Variants in MGAT4C observed in about 807,000 individuals in gnomAD.
MGAT4C encodes alpha-1,3-mannosyl-glycoprotein 4-beta-N-acetylglucosaminyltransferase C.
In MGAT4C, 19 loss-of-function variants were observed where a neutral mutation model predicts 40.1. The ratio of observed to expected loss-of-function variants is 0.47; its 90% CI spans 0.33 to 0.70. The LOEUF (loss-of-function observed/expected upper bound fraction) is 0.70, where lower values mean the gene tolerates loss of function less well. Among genes scored for constraint, MGAT4C ranks in the 30% least tolerant of loss-of-function variants. The pLI is 0.02. For missense variants in MGAT4C, 491 were observed against 563.2 expected (o/e 0.87, Z 1.30); for synonymous variants, 181 against 187.1 (o/e 0.97, Z 0.27).
intron 3 of MGAT4C, among the ~76,000 whole-genome samples, chr12:86,343,856 T>A (rs1023092276): frequency 2.0e-5 from 3 of 152,188 alleles, no homozygotes; most frequent in African/African-American, 4.8e-5. Context: ...GCTTTTTTTT[T>A]CTTTTCATTT....
chr12:86,098,423 C>T (rs1396577381), intron 1 of MGAT4C, among the ~76,000 whole-genome samples: 1 of 151,542 alleles, frequency 6.6e-6, no homozygotes, highest in African/African-American at 2.4e-5. Flanking sequence ...AAGTTGGAAC[C>T]ATTGAGGCAT....
chr12:86,385,924 TA>T lies in MGAT4C; in HGVS notation c.-120+49232del, dbSNP rs1489982909. Among the ~76,000 whole-genome samples the T allele has an allele frequency of 3.3e-5, 5 of 152,284 alleles. 1 individual carries two copies. The highest frequency in any genetic ancestry group is 9.6e-5 in the African/African-American group (4 of 41,560). On this transcript the variant is annotated intron_variant, in intron 3 of 7. Transcript: ENST00000548651. ...TTCTTATTCATCAGTAATTATTTTT[TA>T]TTTTTTATTTATTTATTTTTTTTGA...
chr12:86,752,465 G>T (rs903198594), intron 1 of MGAT4C, among the ~76,000 whole-genome samples: 3 of 151,820 alleles, frequency 2.0e-5, no homozygotes, highest in Non-Finnish European at 2.9e-5. Flanking sequence ...TAACTGCCTT[G>T]GCTATTTTAG....
intron 1 of MGAT4C, among the ~76,000 whole-genome samples, chr12:86,130,245 T>A (rs1204660516): frequency 6.7e-6 from 1 of 149,792 alleles, no homozygotes; most frequent in Admixed American, 6.8e-5. Flanking sequence ...CAATGTTGGT[T>A]AGTACTGACT....
At chr12:86,693,962 G>A (rs1950212988) in intron 2 of MGAT4C, among the ~76,000 whole-genome samples, 1 of 152,068 alleles carries the variant, frequency 6.6e-6, no homozygotes, top group Non-Finnish European at 1.5e-5. Flanking sequence ...TTACCCGTCA[G>A]CTTCTTTTAT....
chr12:86,210,648 C>T (rs770699391), intron 1 of MGAT4C, among the ~76,000 whole-genome samples: 10 of 152,292 alleles, frequency 6.6e-5, no homozygotes, highest in Admixed American at 5.2e-4. Context: ...TCATCACTTA[C>T]ATTTACCTTT....
chr12:86,585,927 T>A (rs1467655202), intron 2 of MGAT4C, among the ~76,000 whole-genome samples: 2 of 151,090 alleles, frequency 1.3e-5, no homozygotes, highest in Non-Finnish European at 3.0e-5. Flanking sequence ...CACTACAAGG[T>A]AGGCACTTTT....
chr12:85,985,738 T>G (rs760787558), intron 3 of MGAT4C, among the ~76,000 whole-genome samples: 17 of 152,076 alleles, frequency 1.1e-4, no homozygotes, highest in Non-Finnish European at 2.5e-4. Context: ...TTTTCATTGG[T>G]GTTTACCTGC....
At chr12:86,770,931 T>C (rs1445260778) in intron 1 of MGAT4C, among the ~76,000 whole-genome samples, 1 of 152,136 alleles carries the variant, frequency 6.6e-6, no homozygotes, top group African/African-American at 2.4e-5. Context: ...CAAACTCATA[T>C]GTTGAGTTCA....
intron 4 of MGAT4C, among the ~76,000 whole-genome samples, chr12:86,278,740 A>G (rs1482651241): frequency 6.6e-6 from 1 of 151,978 alleles, no homozygotes; most frequent in Non-Finnish European, 1.5e-5. Flanking sequence ...ACTATGTTGA[A>G]TAACTGTGGT....
chr12:86,685,640 A>G (rs1014074726), intron 2 of MGAT4C, among the ~76,000 whole-genome samples: 1 of 152,150 alleles, frequency 6.6e-6, no homozygotes, highest in Non-Finnish European at 1.5e-5. Context: ...CATTTTCACA[A>G]TATTGATTCT....
At chr12:86,670,491 C>T (rs1003222227) in intron 2 of MGAT4C, among the ~76,000 whole-genome samples, 4 of 151,896 alleles carry the variant, frequency 2.6e-5, no homozygotes, top group Non-Finnish European at 5.9e-5. Context: ...AATTTCAGAG[C>T]TTGAGGACCT....
At chr12:86,762,309 C>T (rs1168792610) in intron 1 of MGAT4C, among the ~76,000 whole-genome samples, 8 of 152,060 alleles carry the variant, frequency 5.3e-5, no homozygotes, top group African/African-American at 1.9e-4. Flanking sequence ...CCTCAGCCTC[C>T]CAAAACTCTG....
chr12:86,260,794 G>T (rs944406574), upstream of MGAT4C, among the ~76,000 whole-genome samples: 1 of 151,836 alleles, frequency 6.6e-6, no homozygotes, highest in Non-Finnish European at 1.5e-5. Flanking sequence ...ATTAAAAAGA[G>T]AAATATATTA....
At chr12:86,419,942 A>T (rs1193112092) in intron 3 of MGAT4C, among the ~76,000 whole-genome samples, 6 of 152,154 alleles carry the variant, frequency 3.9e-5, no homozygotes, top group Non-Finnish European at 2.9e-5. Context: ...ATAGGAAAAA[A>T]CACTACTTAA....
intron 1 of MGAT4C, among the ~76,000 whole-genome samples, chr12:86,202,718 A>T (rs978893206): frequency 2.0e-5 from 3 of 152,010 alleles, no homozygotes; most frequent in African/African-American, 7.2e-5. Context: ...GATCATGTCT[A>T]TTGACCTGTC....
At chr12:86,468,047 T>C (rs1457990016) in intron 2 of MGAT4C, among the ~76,000 whole-genome samples, 1 of 152,142 alleles carries the variant, frequency 6.6e-6, no homozygotes, top group African/African-American at 2.4e-5. Flanking sequence ...TTTCTAGCTA[T>C]ACAGTAGCAT....
Position 86,575,900 on chromosome 12 carries a change from C to A in MGAT4C, c.-228-140635G>T, listed in dbSNP as rs111841170. On this transcript the variant is annotated intron_variant, in intron 2 of 7. Transcript: ENST00000548651. ...GTTCAATTTTTATTTAATTGAGGAA[C>A]CTCTAAACTGTTCTCCATAGTGATT... Among the ~76,000 whole-genome samples, 496 of 151,826 alleles carry A rather than the reference C, an allele frequency of 3.3e-3. 1 individual carries two copies. Among genetic ancestry groups the A allele is most frequent in the African/African-American group, 0.012 (480 of 41,468 alleles).
chr12:86,474,078 A>G (rs1957794538), intron 2 of MGAT4C, among the ~76,000 whole-genome samples: 1 of 152,070 alleles, frequency 6.6e-6, no homozygotes, highest in Admixed American at 6.6e-5. Flanking sequence ...TCAGCAAAAG[A>G]AAGTCAGGCA....
Sources: allele counts gnomAD v4.1 joint callset (sites outside exome capture counted in the v4.1 genomes callset), GRCh38; gene constraint gnomAD v4.1.1; transcripts MANE v1.5; gene names NCBI Gene and HGNC (gene_info 2026-07-23, HGNC 2026-07-21).